PIEZO2: variants seen among roughly 807,000 people sequenced by gnomAD.
PIEZO2 encodes the protein piezo type mechanosensitive ion channel component 2, also known as piezo-type mechanosensitive ion channel component 2.
In PIEZO2, 172 loss-of-function variants were observed where a neutral mutation model predicts 337.3. That is an observed-to-expected ratio of 0.51 (90% CI 0.45 to 0.58). PIEZO2 has a LOEUF of 0.58. Among genes scored for constraint, PIEZO2 ranks in the 20% least tolerant of loss-of-function variants. PIEZO2 has a pLI of 0.00. For synonymous variants in PIEZO2, 1,251 were observed against 1,228.5 expected (o/e 1.02, Z -0.38); for missense variants, 3,028 against 3,391.3 (o/e 0.89, Z 2.66).
chr18:10,856,643 G>A lies in PIEZO2; in HGVS notation c.703+358C>T, dbSNP rs1310422384. On this transcript the variant is annotated intron_variant, in intron 6 of 55. Transcript: ENST00000674853. The surrounding 1 kb of genome is among the most constrained non-coding windows in gnomAD (Gnocchi z 4.7). ...GACAGACCTCCAGAACCCACAATAT[G>A]GCTTGTGATGGGTGCATGCACATTG... 6.6e-6 allele frequency among the ~76,000 whole-genome samples: 1 copy of A among 152,136 alleles called. No individual in the cohort carries two copies. The highest frequency in any genetic ancestry group is 1.5e-5 in the Non-Finnish European group (1 of 68,032).
chr18:10,731,215 A>ATATATATC (rs1290190163), intron 36 of PIEZO2, among the ~76,000 whole-genome samples, 192 bp downstream of exon 36: 3 of 128,740 alleles, frequency 2.3e-5, no homozygotes, highest in African/African-American at 5.9e-5. Context: ...ATATATATAT[A>ATATATATC]TATCTCCTAA....
chr18:10,672,210 G>A lies in PIEZO2; in HGVS notation c.8346-431C>T, dbSNP rs1333150222. Among the ~76,000 whole-genome samples, 1 of 152,140 alleles carries A rather than the reference G, an allele frequency of 6.6e-6. No individual in the cohort carries two copies. Among genetic ancestry groups the A allele is most frequent in the Non-Finnish European group, 1.5e-5 (1 of 68,018 alleles). ...GATTAATTTTTATAAAATTCTGGGT[G>A]AAAATCATTTCTTATGAGGCTAACT... On this transcript the variant is annotated intron_variant, in intron 55 of 55. Transcript: ENST00000674853. The surrounding 1 kb of genome is among the most constrained non-coding windows in gnomAD (Gnocchi z 4.7).
intron 2 of PIEZO2, among the ~76,000 whole-genome samples, chr18:10,996,111 A>G (rs2035311657): frequency 6.6e-6 from 1 of 152,236 alleles, no homozygotes; most frequent in African/African-American, 2.4e-5. Context: ...GAATTTTATT[A>G]GCCTTTAAAA....
chr18:10,695,654 G>A (rs1023139977), intron 47 of PIEZO2, among the ~76,000 whole-genome samples: 3 of 151,950 alleles, frequency 2.0e-5, no homozygotes, highest in African/African-American at 7.3e-5. Flanking sequence ...TATCCATTAA[G>A]CATCCTCCAT....
chr18:11,063,443 AG>A (rs1285535868), intron 2 of PIEZO2, among the ~76,000 whole-genome samples: 2 of 147,038 alleles, frequency 1.4e-5, no homozygotes, highest in Non-Finnish European at 3.0e-5. Flanking sequence ...ATAAAAAAAA[AG>A]ACTGCCCCAA....
intron 33 of PIEZO2, chr18:10,738,894 T>G (rs1474410992): frequency 3.3e-5 from 5 of 152,176 alleles, no homozygotes; most frequent in African/African-American, 1.2e-4. Context: ...AAGTAGGAAA[T>G]CTGTCCCTAT....
chr18:11,028,906 CAG>C lies in PIEZO2; in HGVS notation c.160+37219_160+37220del. ...AGAATACATTTGGTGTCATAGGAAA[CAG>C]AGTTGAAAAAAAATTTAGATAAGAT... On this transcript the variant is annotated intron_variant, in intron 2 of 55. Transcript: ENST00000674853. The surrounding 1 kb of genome is among the most constrained non-coding windows in gnomAD (Gnocchi z 4.8). Among the ~76,000 whole-genome samples the C allele has an allele frequency of 6.6e-6, 1 of 152,034 alleles. No homozygotes were observed. The highest frequency in any genetic ancestry group is 1.5e-5 in the Non-Finnish European group (1 of 67,984).
At chr18:10,997,024 G>GC (rs2035348451) in intron 2 of PIEZO2, among the ~76,000 whole-genome samples, 1 of 152,004 alleles carries the variant, frequency 6.6e-6, no homozygotes, top group African/African-American at 2.4e-5. Flanking sequence ...TCCCAGTGTT[G>GC]CCCCAAATCA....
At position 11,102,194 on chromosome 18, in the gene PIEZO2, G is replaced by C. The variant is rs576067308; in HGVS notation, c.65-35972C>G. 3.9e-5 allele frequency among the ~76,000 whole-genome samples: 6 copies of C among 152,238 alleles called. No homozygotes were observed. The highest frequency in any genetic ancestry group is 1.4e-4 in the African/African-American group (6 of 41,542). On this transcript the variant is annotated intron_variant, in intron 1 of 55. Coordinates refer to ENST00000674853, the MANE Select transcript of PIEZO2 (RefSeq NM_001378183.1). This position sits in a 1 kb window ranked among gnomAD's most constrained non-coding sequence, Gnocchi z 5.7. Reference sequence around the variant, plus strand: ...AAATTGTGGGGTGTATGCAAGATGTGATTTTATTTTCACCTTATTCTAAAT... The same window carrying C: ...AAATTGTGGGGTGTATGCAAGATGTCATTTTATTTTCACCTTATTCTAAAT...
chr18:10,700,358 T>A (rs2035279206), intron 43 of PIEZO2, among the ~76,000 whole-genome samples: 1 of 152,054 alleles, frequency 6.6e-6, no homozygotes, highest in African/African-American at 2.4e-5. Context: ...TTTCAAAAGC[T>A]ATGGGGTAGC....
intron 7 of PIEZO2, among the ~76,000 whole-genome samples, chr18:10,835,802 C>T (rs188706017): frequency 1.1e-4 from 17 of 152,374 alleles, no homozygotes; most frequent in Admixed American, 3.9e-4. Context: ...CCTTGGCCTA[C>T]GGGCATGAGC....
intron 27 of PIEZO2, among the ~76,000 whole-genome samples, chr18:10,756,875 G>A (rs2037882216): frequency 7.3e-6 from 1 of 136,918 alleles, no homozygotes; most frequent in Non-Finnish European, 1.6e-5. Flanking sequence ...GGATGGAGAT[G>A]AGGAGGAAGG....
At chr18:10,770,516 A>G (rs1263943952) in intron 20 of PIEZO2, among the ~76,000 whole-genome samples, 3 of 152,176 alleles carry the variant, frequency 2.0e-5, no homozygotes, top group African/African-American at 7.2e-5. Context: ...TGGAGGGACA[A>G]TGTGGCTTTT....
chr18:10,998,508 T>TA (rs1006791657), intron 2 of PIEZO2, among the ~76,000 whole-genome samples: 1 of 152,142 alleles, frequency 6.6e-6, no homozygotes, highest in African/African-American at 2.4e-5. Context: ...GTGTTTTAAC[T>TA]AGGCACCTTC....
intron 2 of PIEZO2, among the ~76,000 whole-genome samples, chr18:11,020,292 A>C (rs915184490): frequency 6.6e-6 from 1 of 152,174 alleles, no homozygotes; most frequent in Non-Finnish European, 1.5e-5. Context: ...AACATCTCAG[A>C]ATCACTATCC....
chr18:10,683,751 T>G lies in PIEZO2; in HGVS notation c.7498-1459A>C, dbSNP rs147011332. ...TTAGATCATAGGCCACTCCTGTCAC[T>G]CCAACAGCACCCACACTGGATCATG... On this transcript the variant is annotated intron_variant, in intron 49 of 55. Coordinates refer to ENST00000674853, the MANE Select transcript of PIEZO2 (RefSeq NM_001378183.1). Among the ~76,000 whole-genome samples the G allele has an allele frequency of 9.3e-3, 1,412 of 152,294 alleles. 26 individuals are homozygous for G. The highest frequency in any genetic ancestry group is 0.032 in the African/African-American group (1,315 of 41,546).
intron 2 of PIEZO2, among the ~76,000 whole-genome samples, chr18:11,052,422 C>T (rs192973618): frequency 2.6e-5 from 4 of 152,316 alleles, no homozygotes; most frequent in East Asian, 3.9e-4. Flanking sequence ...AGTTACTCCA[C>T]GTGTATTCGC....
At chr18:10,768,805 G>T (rs546596122) in intron 21 of PIEZO2, among the ~76,000 whole-genome samples, 2 of 152,300 alleles carry the variant, frequency 1.3e-5, no homozygotes, top group East Asian at 3.9e-4. Context: ...TAATGAAAAA[G>T]TTATGTCTGC....
At chr18:10,916,570 G>T (rs868730659) in intron 3 of PIEZO2, among the ~76,000 whole-genome samples, 1 of 152,164 alleles carries the variant, frequency 6.6e-6, no homozygotes, top group East Asian at 1.9e-4. Context: ...CCAGCAGGCC[G>T]CTCTGAGTGT....
Sources: allele counts gnomAD v4.1 joint callset (sites outside exome capture counted in the v4.1 genomes callset), GRCh38; gene constraint gnomAD v4.1.1; non-coding constraint Gnocchi (gnomAD v3.1); transcripts MANE v1.5; gene names NCBI Gene and HGNC (gene_info 2026-07-23, HGNC 2026-07-21).